Variants in AGBL1 observed in about 807,000 individuals in gnomAD.
The protein encoded by AGBL1 is AGBL carboxypeptidase 1.
In AGBL1, 130 loss-of-function variants were observed where a neutral mutation model predicts 118.9. The ratio of observed to expected loss-of-function variants is 1.09; its 90% CI spans 0.95 to 1.26. The LOEUF (loss-of-function observed/expected upper bound fraction) is 1.26, where lower values mean the gene tolerates loss of function less well. Ranked by LOEUF, AGBL1 falls within the 50% of genes most tolerant of loss-of-function variation. The pLI, the probability that AGBL1 is intolerant of heterozygous loss-of-function variation, is 0.00. For missense variants in AGBL1, 1,584 were observed against 1,298.1 expected, an observed-to-expected ratio of 1.22 and a Z score of -3.38; for synonymous variants, 555 against 478.9, an observed-to-expected ratio of 1.16 and a Z score of -2.08.
chr15:86,822,541 T>C (rs187185620), intron 22 of AGBL1, among the ~76,000 whole-genome samples: 1 of 152,094 alleles, frequency 6.6e-6, no homozygotes, highest in East Asian at 1.9e-4. Context: ...GTGGTTGTGG[T>C]GATGAAAGAA....
intron 22 of AGBL1, among the ~76,000 whole-genome samples, chr15:86,856,945 C>T (rs571827192): frequency 1.3e-5 from 2 of 152,096 alleles, no homozygotes; most frequent in South Asian, 4.1e-4. Context: ...AGTTTTGTCC[C>T]GAAGTCCCAT....
chr15:86,635,561 T>C lies in AGBL1; in HGVS notation c.2995-38712T>C, dbSNP rs1278346504. 7.9e-5 allele frequency among the ~76,000 whole-genome samples: 12 copies of C among 151,846 alleles called. No homozygotes were observed. The South Asian group carries it at 1.9e-3, about 24-fold the overall frequency. ...TGATATTCCTGCCAGGCTGGACGTT[T>C]AAGGATCCTGATGTATTTGAGAGTT... On this transcript the variant is annotated intron_variant, in intron 21 of 22. Transcript: ENST00000614907.
intron 17 of AGBL1, among the ~76,000 whole-genome samples, chr15:86,392,265 T>C (rs956833409): frequency 3.9e-5 from 6 of 152,166 alleles, no homozygotes; most frequent in Admixed American, 6.6e-5. Flanking sequence ...AAAAGACTTA[T>C]GTATTATTTT....
intron 22 of AGBL1, among the ~76,000 whole-genome samples, chr15:86,880,271 C>T (rs774435011): frequency 1.3e-5 from 2 of 152,206 alleles, no homozygotes; most frequent in South Asian, 2.1e-4. Context: ...GAAATTCACT[C>T]ATTTAGAGGA....
chr15:86,709,804 TA>T (rs1345641281), intron 22 of AGBL1, among the ~76,000 whole-genome samples: 1 of 152,198 alleles, frequency 6.6e-6, no homozygotes, highest in Non-Finnish European at 1.5e-5. Context: ...TAAACTTTTC[TA>T]AATCATAGTT....
chr15:87,018,891 C>A (rs2081634039), intron 24 of AGBL1, among the ~76,000 whole-genome samples: 1 of 151,914 alleles, frequency 6.6e-6, no homozygotes, highest in South Asian at 2.1e-4. Context: ...ATCTCACATG[C>A]AAAGAAACAC....
intron 22 of AGBL1, among the ~76,000 whole-genome samples, chr15:86,680,471 G>T (rs1175287215): frequency 2.6e-5 from 4 of 151,196 alleles, no homozygotes; most frequent in African/African-American, 9.7e-5. Context: ...ATTTACTCTG[G>T]TATGTAATCT....
chr15:86,668,542 C>A (rs770494812), intron 21 of AGBL1, among the ~76,000 whole-genome samples: 1 of 152,102 alleles, frequency 6.6e-6, no homozygotes, highest in Non-Finnish European at 1.5e-5. Flanking sequence ...TTCAGAGTGG[C>A]CCCCTTTTAT....
chr15:86,683,566 A>G lies in AGBL1; in HGVS notation c.3158+9130A>G, dbSNP rs1453329219. Among the ~76,000 whole-genome samples, 5 of 152,208 alleles carry G rather than the reference A, an allele frequency of 3.3e-5. No individual in the cohort carries two copies. In the East Asian group the frequency reaches 7.7e-4, roughly 23 times the overall value. ...TGCTAGGTGTAGTTAAGTGATTTAC[A>G]CATTGCCAGTCAACATGGGGGATCT... On this transcript the variant is annotated intron_variant, in intron 22 of 22. Transcript: ENST00000614907.
chr15:86,446,587 T>C (rs1020084077), intron 18 of AGBL1, among the ~76,000 whole-genome samples: 1 of 152,214 alleles, frequency 6.6e-6, no homozygotes, highest in African/African-American at 2.4e-5. Flanking sequence ...GAAACTTCCA[T>C]TTATATCGAA....
intron 21 of AGBL1, among the ~76,000 whole-genome samples, chr15:86,655,985 G>A (rs1363284223): frequency 1.3e-5 from 2 of 152,254 alleles, no homozygotes; most frequent in Admixed American, 6.5e-5. Flanking sequence ...TGTAAAATGG[G>A]AGTAGTAATG....
rs539231252 is a variant in AGBL1 at position 86,141,378 on chromosome 15, C to T, written c.52-626C>T. ...GTGCTGTATTGAAAAATAAGCCGGC[C>T]GGGTGTGGTGGCTCATGCCTGTAAT... On this transcript the variant is annotated intron_variant, in intron 1 of 22. Transcript: ENST00000614907. 5.3e-5 allele frequency among the ~76,000 whole-genome samples: 8 copies of T among 152,262 alleles called. No homozygotes were observed. In the South Asian group the frequency reaches 8.3e-4, roughly 16 times the overall value.
chr15:86,965,691 A>C (rs1303590940), intron 23 of AGBL1, among the ~76,000 whole-genome samples: 1 of 152,144 alleles, frequency 6.6e-6, no homozygotes, highest in Non-Finnish European at 1.5e-5. Flanking sequence ...GGATGAGTTC[A>C]TGTCCTTTGC....
chr15:86,156,830 C>T (rs2077199355), intron 4 of AGBL1, among the ~76,000 whole-genome samples: 1 of 145,154 alleles, frequency 6.9e-6, no homozygotes, highest in Non-Finnish European at 1.5e-5. Context: ...CGTTCTGTCA[C>T]CCAGGCTGGA....
intron 18 of AGBL1, among the ~76,000 whole-genome samples, chr15:86,467,826 G>C (rs2082426743): frequency 6.6e-6 from 1 of 152,146 alleles, no homozygotes; most frequent in African/African-American, 2.4e-5. Context: ...TGTCTAACCA[G>C]TTCCAGTGAG....
chr15:86,206,754 G>C (rs563272878), intron 5 of AGBL1, among the ~76,000 whole-genome samples: 3 of 152,160 alleles, frequency 2.0e-5, no homozygotes, highest in Non-Finnish European at 2.9e-5. Flanking sequence ...CTCCCATTCT[G>C]TAGGTTGCCT....
intron 18 of AGBL1, among the ~76,000 whole-genome samples, chr15:86,441,263 C>G (rs1223244576): frequency 6.6e-6 from 1 of 151,990 alleles, no homozygotes; most frequent in Non-Finnish European, 1.5e-5. Flanking sequence ...GTTGAAGAAC[C>G]CTTTAAACTA....
intron 18 of AGBL1, among the ~76,000 whole-genome samples, chr15:86,449,662 A>G (rs2082169099): frequency 6.6e-6 from 1 of 152,238 alleles, no homozygotes; most frequent in Admixed American, 6.5e-5. Context: ...TACAGTGCTC[A>G]GCATATGTCT....
At chr15:86,107,609 C>A (rs1597400159) in intron 1 of AGBL1, 1 of 152,230 alleles carries the variant, frequency 6.6e-6, no homozygotes, top group South Asian at 2.1e-4. Flanking sequence ...TTTTCAGAAT[C>A]ACTTTCTTAC....
Sources: allele counts gnomAD v4.1 joint callset (sites outside exome capture counted in the v4.1 genomes callset), GRCh38; gene constraint gnomAD v4.1.1; transcripts MANE v1.5; gene names NCBI Gene and HGNC (gene_info 2026-07-23, HGNC 2026-07-21).